The following STRA8 variants were observed in gnomAD, a reference collection of about 807,000 sequenced individuals.
The protein encoded by STRA8 is stimulated by retinoic acid gene 8 protein homolog.
In STRA8, 18 loss-of-function variants were observed where a neutral mutation model predicts 37.1. That is an observed-to-expected ratio of 0.48 (90% CI 0.34 to 0.72). The LOEUF (loss-of-function observed/expected upper bound fraction) is 0.72. Ranked by LOEUF, STRA8 falls within the 30% of genes least tolerant of loss-of-function variation. The pLI, the probability that STRA8 is intolerant of heterozygous loss-of-function variation, is 0.01. For missense variants in STRA8, 357 were observed against 410.4 expected (o/e 0.87, Z 1.13); for synonymous variants, 168 against 162.9 (o/e 1.03, Z -0.24).
intron 6 of STRA8, among the ~76,000 whole-genome samples, chr7:135,247,723 A>G (rs895213861): frequency 2.0e-5 from 3 of 152,160 alleles, no homozygotes; most frequent in African/African-American, 7.2e-5. Flanking sequence ...GGTTACCACA[A>G]CTGCTACCGT....
chr7:135,238,271 C>T (rs1465450488), intron 1 of STRA8, among the ~76,000 whole-genome samples: 1 of 152,184 alleles, frequency 6.6e-6, no homozygotes, highest in Non-Finnish European at 1.5e-5. Context: ...ATGGAGGCCA[C>T]GGCTCCAGGC....
chr7:135,236,441 CTG>C (rs776054176), intron 1 of STRA8, among the ~76,000 whole-genome samples: 17 of 152,152 alleles, frequency 1.1e-4, no homozygotes, highest in Admixed American at 5.9e-4. Context: ...CCATCTTTGA[CTG>C]TGTCTCTGCA....
chr7:135,250,807 A>T (rs1223587718), intron 6 of STRA8, among the ~76,000 whole-genome samples: 1 of 152,276 alleles, frequency 6.6e-6, no homozygotes, highest in African/African-American at 2.4e-5. Flanking sequence ...TTCATTCTTT[A>T]TCTGAAATTC....
chr7:135,242,687 C>A (rs189650453), intron 2 of STRA8, 94 bp from the exon 3 acceptor site: 1 of 1,121,000 alleles, frequency 8.9e-7, no homozygotes, highest in Non-Finnish European at 1.3e-6. Context: ...TCTGAGGGAG[C>A]GTGGCCTCAG....
At chr7:135,239,411 G>A (rs1832427029) in intron 1 of STRA8, among the ~76,000 whole-genome samples, 2 of 152,188 alleles carry the variant, frequency 1.3e-5, no homozygotes, top group East Asian at 3.8e-4. Flanking sequence ...ACAAACCCCT[G>A]GCGGAGGTCA....
At chr7:135,251,135 T>TGC (rs1341602071) in intron 6 of STRA8, among the ~76,000 whole-genome samples, 13 of 152,238 alleles carry the variant, frequency 8.5e-5, no homozygotes, top group African/African-American at 3.1e-4. Flanking sequence ...CAGATAATGT[T>TGC]CAATTATGTG....
At chr7:135,251,302 G>T (rs1832630466) in intron 6 of STRA8, among the ~76,000 whole-genome samples, 1 of 152,150 alleles carries the variant, frequency 6.6e-6, no homozygotes, top group Admixed American at 6.5e-5. Flanking sequence ...CTTGTCCCAG[G>T]TCACACAGCT....
chr7:135,255,706 C>G lies in STRA8; in HGVS notation c.1065+481C>G, dbSNP rs116586946. On this transcript the variant is annotated intron_variant, in intron 8 of 8. Coordinates refer to ENST00000662584, the MANE Select transcript of STRA8 (RefSeq NM_001394401.1). ...TGATCTGAGGTGGAAGAGTTTCATCCTGAAACCACCCTTGCCCCCCAGGTC... is the reference window on the plus strand; with the variant it reads ...TGATCTGAGGTGGAAGAGTTTCATCGTGAAACCACCCTTGCCCCCCAGGTC... 1.5e-3 allele frequency among the ~76,000 whole-genome samples: 234 copies of G among 152,308 alleles called. 1 individual carries two copies. The highest frequency in any genetic ancestry group is 4.5e-3 in the African/African-American group (186 of 41,564).
In STRA8 at chr7:135,245,394, G is replaced by A. The variant is rs1832532217; in HGVS notation, c.460G>A (p.Glu154Lys). The A allele has an allele frequency of 4.0e-6, 3 of 742,816 alleles. No homozygotes were observed. The highest frequency in any genetic ancestry group is 1.9e-5 in the Admixed American group (1 of 53,496). The allele number at this position is 742,816 out of a possible 1,614,324, so 46.0% of individuals were successfully genotyped here. A position where few individuals can be genotyped will look rare whatever the true frequency, so the allele number is the denominator to read the frequency against. ...EEEDEEEEDQEEEEEEEEEEE... is the reference protein window; with the variant it reads ...EEEDEEEEDQKEEEEEEEEEE... The stretch of plus-strand genomic sequence containing the variant: ...GGAAGATGAGGAAGAGGAAGATCAA[G>A]AAGAAGAGGAGGAGGAAGAAGAAGA... Residue 154 changes from glutamate (E) to lysine (K), a missense_variant, in exon 5 of 9, where the codon GAA (glutamate) becomes AAA (lysine). Glu to Lys is a moderately conservative substitution (Grantham distance 56, BLOSUM62 1). Coordinates refer to ENST00000662584, the MANE Select transcript of STRA8 (RefSeq NM_001394401.1).
chr7:135,234,776 A>G (rs1832346145), intron 1 of STRA8, among the ~76,000 whole-genome samples: 1 of 152,262 alleles, frequency 6.6e-6, no homozygotes, highest in African/African-American at 2.4e-5. Context: ...AGAAGAAGGT[A>G]TCAACGAAGC....
At chr7:135,252,938 A>T (rs80144534) in intron 7 of STRA8, among the ~76,000 whole-genome samples, 11,768 of 148,292 alleles carry the variant, frequency 0.079, 1,064 homozygotes, top group African/African-American at 0.23. Context: ...CTTTAAAAAA[A>T]TTTTTTTTTT....
intron 1 of STRA8, among the ~76,000 whole-genome samples, chr7:135,239,994 C>A (rs780874827): frequency 3.9e-5 from 6 of 151,936 alleles, no homozygotes; most frequent in Non-Finnish European, 7.4e-5. Context: ...CTATCCACAT[C>A]AAAGAGGGGG....
Position 135,246,122 on chromosome 7 carries a change from G to A in STRA8, c.594-295G>A, listed in dbSNP as rs1232493818. On this transcript the variant is annotated intron_variant, in intron 5 of 8. Transcript: ENST00000662584. This position sits in a 1 kb window ranked among gnomAD's most constrained non-coding sequence, Gnocchi z 5.4. Reference sequence around the variant, plus strand: ...TTTCAAGAATATTCCCTTAGGATGAGAGCTGAGGCAGCTACGCCTCTTATC... The same window carrying A: ...TTTCAAGAATATTCCCTTAGGATGAAAGCTGAGGCAGCTACGCCTCTTATC... 1 of 465,306 alleles carries A rather than the reference G, an allele frequency of 2.1e-6. No individual in the cohort carries two copies. The highest frequency in any genetic ancestry group is 2.0e-5 in the African/African-American group (1 of 50,724). The allele number at this position is 465,306 out of a possible 1,614,324, so 28.8% of individuals were successfully genotyped here. A position where few individuals can be genotyped will look rare whatever the true frequency, so the allele number is the denominator to read the frequency against.
chr7:135,237,717 C>T (rs1267349730), intron 1 of STRA8, among the ~76,000 whole-genome samples: 1 of 152,100 alleles, frequency 6.6e-6, no homozygotes, highest in Non-Finnish European at 1.5e-5. Context: ...CACGGTGAAA[C>T]CCCGTCTCTA....
chr7:135,240,655 C>G lies in STRA8; in HGVS notation c.131C>G (p.Ala44Gly). ...LSQARHRATL[A>G]ALFNNLRKTV... is the part of the protein sequence containing the mutation. ...CAGGCCCGCCACCGAGCCACCCTGG[C>G]AGCGCTCTTCAACAACCTCAGGAAG... Residue 44 changes from alanine to glycine, a missense_variant, in exon 2 of 9, where the codon GCA becomes GGA. By Grantham distance (60) the Ala-to-Gly change is moderately conservative. Transcript: ENST00000662584. 6.2e-7 allele frequency: 1 copy of G among 1,614,140 alleles called. No homozygotes were observed. The highest frequency in any genetic ancestry group is 2.2e-5 in the East Asian group (1 of 44,868).
At position 135,246,440 on chromosome 7, in the gene STRA8, C is replaced by T. The variant is rs1377186574; in HGVS notation, c.617C>T (p.Thr206Met). The change falls in exon 6 of 9, where the codon ACG becomes ATG. Residue 206 changes from threonine (T) to methionine (M), a missense_variant. Transcript: ENST00000662584. The surrounding 1 kb of genome is among the most constrained non-coding windows in gnomAD (Gnocchi z 5.4). ...AGGTATCTCAACTTTTACAAACAGACGATGGACCTTCTGACTGGCAGCGGG... is the reference window on the plus strand; with the variant it reads ...AGGTATCTCAACTTTTACAAACAGATGATGGACCTTCTGACTGGCAGCGGG... ...FERYLNFYKQ[T>M]MDLLTGSGII... 3.1e-6 allele frequency: 5 copies of T among 1,603,238 alleles called. No individual in the cohort carries two copies. The highest frequency in any genetic ancestry group is 4.3e-6 in the Non-Finnish European group (5 of 1,174,488).
At chr7:135,244,743 C>T (rs1203613743) in intron 4 of STRA8, among the ~76,000 whole-genome samples, 1 of 151,842 alleles carries the variant, frequency 6.6e-6, no homozygotes, top group Admixed American at 6.6e-5. Context: ...TTTTTCTACA[C>T]AGATAATCAC....
chr7:135,239,413 C>T (rs563383267), intron 1 of STRA8, among the ~76,000 whole-genome samples: 1 of 152,172 alleles, frequency 6.6e-6, no homozygotes, highest in Non-Finnish European at 1.5e-5. Flanking sequence ...AAACCCCTGG[C>T]GGAGGTCATG....
intron 7 of STRA8, among the ~76,000 whole-genome samples, chr7:135,254,118 G>A (rs1832673823): frequency 6.6e-6 from 1 of 152,182 alleles, no homozygotes; most frequent in Non-Finnish European, 1.5e-5. Context: ...CTTCTCAGCT[G>A]TGAGTGGAGT....
Sources: gnomAD v4.1 joint callset for allele counts (sites outside exome capture counted in the v4.1 genomes callset) on GRCh38, gnomAD v4.1.1 for gene constraint, Gnocchi (gnomAD v3.1) non-coding constraint, MANE v1.5 for transcripts, NCBI Gene and HGNC (gene_info 2026-07-23, HGNC 2026-07-21) for gene names.